TXLNB: variants seen among roughly 807,000 people sequenced by gnomAD.
TXLNB encodes taxilin beta, also known as beta-taxilin.
Under a neutral mutation model 57.4 loss-of-function variants are expected in TXLNB, and 37 were observed. The observed-to-expected ratio is 0.64, with a 90% confidence interval of 0.50 to 0.85. The LOEUF is 0.85. Ranked by LOEUF, TXLNB falls within the 40% of genes least tolerant of loss-of-function variation. TXLNB has a pLI of 0.00. For synonymous variants in TXLNB, 302 were observed against 309.6 expected (o/e 0.98, Z 0.26); for missense variants, 848 against 825.6 (o/e 1.03, Z -0.33).
chr6:139,252,167 C>T (rs1246630677), intron 7 of TXLNB, among the ~76,000 whole-genome samples: 1 of 152,218 alleles, frequency 6.6e-6, no homozygotes, highest in Non-Finnish European at 1.5e-5. Flanking sequence ...CAGCAGTTGT[C>T]TTATGACTGA....
the TXLNB span, among the ~76,000 whole-genome samples, chr6:139,317,735 AT>A: frequency 2.0e-5 from 3 of 152,116 alleles, no homozygotes; most frequent in Non-Finnish European, 4.4e-5. Context: ...AAGAAAATAG[AT>A]TTATAAATAT....
chr6:139,255,354 G>T, intron 7 of TXLNB: 1 of 601,586 alleles, frequency 1.7e-6, no homozygotes. Flanking sequence ...GGATGTTGCC[G>T]GCGCAGAACA....
the TXLNB span, among the ~76,000 whole-genome samples, chr6:139,298,557 C>T: frequency 1.3e-5 from 2 of 152,206 alleles, no homozygotes; most frequent in Non-Finnish European, 2.9e-5. Flanking sequence ...AAGCATAGAA[C>T]TGCATGTTGA....
intron 7 of TXLNB, among the ~76,000 whole-genome samples, chr6:139,253,996 C>A (rs1776274172): frequency 6.6e-6 from 1 of 152,146 alleles, no homozygotes; most frequent in Non-Finnish European, 1.5e-5. Flanking sequence ...CAGTCAGCCA[C>A]CCACCCTACA....
downstream of TXLNB, chr6:139,239,990 C>T (rs181195965): frequency 4.6e-5 from 7 of 150,942 alleles, no homozygotes; most frequent in East Asian, 1.9e-4. This position sits in a 1 kb window ranked among gnomAD's most constrained non-coding sequence, Gnocchi z 4.7. Flanking sequence ...TAGGTATTGT[C>T]GAAACATAGA....
chr6:139,203,141 T>C, the TXLNB span, among the ~76,000 whole-genome samples: 2 of 152,204 alleles, frequency 1.3e-5, no homozygotes, highest in African/African-American at 4.8e-5. Flanking sequence ...TTGTCTATTA[T>C]GACAATATGT....
chr6:139,291,794 T>C (rs77919107), intron 1 of TXLNB, 127 bp downstream of exon 1: 1 of 152,324 alleles, frequency 6.6e-6, no homozygotes, highest in African/African-American at 2.4e-5. Context: ...ACACATTTTA[T>C]TTATAAATAC....
In TXLNB at chr6:139,286,315, A is replaced by G. The variant is rs551197235; in HGVS notation, c.424+2161T>C. ...AGCTTCTCTATGAATCTACCTGTCAAGCTTTGTCTCTGCTTATTCCTCTTT... is the reference window on the plus strand; with the variant it reads ...AGCTTCTCTATGAATCTACCTGTCAGGCTTTGTCTCTGCTTATTCCTCTTT... On this transcript the variant is annotated intron_variant, in intron 2 of 9. Coordinates refer to ENST00000358430, the MANE Select transcript of TXLNB (RefSeq NM_153235.4). Among the ~76,000 whole-genome samples, 5 of 150,010 alleles carry G rather than the reference A, an allele frequency of 3.3e-5. No individual in the cohort carries two copies. In the South Asian group the frequency reaches 8.7e-4, roughly 26 times the overall value.
chr6:139,242,238 GTAT>G lies in TXLNB; in HGVS notation c.*285_*287del. The G allele has an allele frequency of 3.9e-6, 1 of 255,560 alleles. No individual in the cohort carries two copies. The highest frequency in any genetic ancestry group is 7.3e-6 in the Non-Finnish European group (1 of 136,770). The allele number at this position is 255,560 out of a possible 1,614,324, so 15.8% of individuals were successfully genotyped here. On this transcript the variant is annotated 3_prime_UTR_variant, in exon 10 of 10. Transcript: ENST00000358430. Reference sequence around the variant, plus strand: ...TCTTACTGGTGATTAACAAATTTAAGTATTATCTTAACAGAAAAGGAATATAAA... The same window carrying G: ...TCTTACTGGTGATTAACAAATTTAAGTATCTTAACAGAAAAGGAATATAAA...
the TXLNB span, among the ~76,000 whole-genome samples, chr6:139,187,876 GGGTGTT>G: frequency 6.6e-6 from 1 of 152,146 alleles, no homozygotes. Context: ...CCCTACCTGG[GGGTGTT>G]AAATGAAATC....
At chr6:139,207,648 T>A in the TXLNB span, among the ~76,000 whole-genome samples, 5 of 151,788 alleles carry the variant, frequency 3.3e-5, no homozygotes, top group African/African-American at 9.7e-5. Flanking sequence ...CAGACTGAAA[T>A]AAAATTGAAA....
At chr6:139,197,161 A>C in the TXLNB span, among the ~76,000 whole-genome samples, 2 of 152,116 alleles carry the variant, frequency 1.3e-5, no homozygotes, top group African/African-American at 4.8e-5. Context: ...ACACACTCTT[A>C]TAGAGTTTTA....
At chr6:139,208,304 A>T in the TXLNB span, among the ~76,000 whole-genome samples, 1 of 152,186 alleles carries the variant, frequency 6.6e-6, no homozygotes, top group Non-Finnish European at 1.5e-5. Context: ...CAGTAATTTA[A>T]AAAATTACCA....
the TXLNB span, among the ~76,000 whole-genome samples, chr6:139,317,435 T>C: frequency 6.6e-6 from 1 of 151,980 alleles, no homozygotes; most frequent in Non-Finnish European, 1.5e-5. Context: ...AGTCTCGCTC[T>C]GTGGCCCAGG....
chr6:139,269,350 G>A (rs1010087935), intron 4 of TXLNB, among the ~76,000 whole-genome samples: 3 of 152,092 alleles, frequency 2.0e-5, no homozygotes, highest in Non-Finnish European at 4.4e-5. Flanking sequence ...GTGGATTTAC[G>A]CAGGCACACA....
the TXLNB span, among the ~76,000 whole-genome samples, chr6:139,218,311 G>A: frequency 2.9e-3 from 448 of 152,260 alleles, 1 homozygote; most frequent in African/African-American, 9.6e-3. Context: ...ATTAATAATT[G>A]TCAGAAATGT....
upstream of TXLNB, among the ~76,000 whole-genome samples, chr6:139,294,423 G>A (rs1777354235): frequency 6.6e-6 from 1 of 152,128 alleles, no homozygotes; most frequent in African/African-American, 2.4e-5. Flanking sequence ...TGGTCTGAAT[G>A]TTTGTGTCCC....
At chr6:139,160,936 A>G in the TXLNB span, among the ~76,000 whole-genome samples, 20 of 152,186 alleles carry the variant, frequency 1.3e-4, no homozygotes, top group African/African-American at 4.6e-4. Flanking sequence ...CAGATGAGGA[A>G]ACAAAACTGC....
At chr6:139,213,530 G>T in the TXLNB span, among the ~76,000 whole-genome samples, 2 of 152,170 alleles carry the variant, frequency 1.3e-5, no homozygotes. Flanking sequence ...AAGCAGGAAA[G>T]ATCTAAAATT....
Sources: allele counts gnomAD v4.1 joint callset (sites outside exome capture counted in the v4.1 genomes callset), GRCh38; gene constraint gnomAD v4.1.1; non-coding constraint Gnocchi (gnomAD v3.1); transcripts MANE v1.5; gene names NCBI Gene and HGNC (gene_info 2026-07-23, HGNC 2026-07-21).